MGMT: variants seen among roughly 807,000 people sequenced by gnomAD.
MGMT encodes O-6-methylguanine-DNA methyltransferase, also known as methylated-DNA--protein-cysteine methyltransferase.
Under a neutral mutation model 15.9 loss-of-function variants are expected in MGMT, and 14 were observed. The ratio of observed to expected loss-of-function variants is 0.88; its 90% CI spans 0.58 to 1.37. The LOEUF is 1.37. Among genes scored for constraint, MGMT ranks in the 40% most tolerant of loss-of-function variants. The pLI is 0.00. For missense variants in MGMT, 282 were observed against 268.1 expected (o/e 1.05, Z -0.36); for synonymous variants, 130 against 118.2 (o/e 1.10, Z -0.65).
At chr10:129,737,787 CTGCAGGTCTGT>C (rs1848581126) in intron 3 of MGMT, among the ~76,000 whole-genome samples, 1 of 152,198 alleles carries the variant, frequency 6.6e-6, no homozygotes, top group Non-Finnish European at 1.5e-5. Context: ...GGACCCTCAG[CTGCAGGTCTGT>C]TGGAGTACCC....
chr10:129,748,897 T>G (rs1352166158), intron 3 of MGMT, among the ~76,000 whole-genome samples: 1 of 152,184 alleles, frequency 6.6e-6, no homozygotes, highest in Non-Finnish European at 1.5e-5. Context: ...TAGAATAGTA[T>G]CAGAGAGTTT....
chr10:129,632,400 C>T (rs1474976897), intron 2 of MGMT, among the ~76,000 whole-genome samples: 1 of 152,156 alleles, frequency 6.6e-6, no homozygotes, highest in Non-Finnish European at 1.5e-5. Context: ...GAGTAGTGAT[C>T]CGGGTCACAA....
intron 1 of MGMT, among the ~76,000 whole-genome samples, chr10:129,495,057 G>A (rs1564834117): frequency 6.6e-6 from 1 of 152,172 alleles, no homozygotes; most frequent in Admixed American, 6.5e-5. Flanking sequence ...ATAAACTCAG[G>A]ATATTACCGA....
intron 3 of MGMT, among the ~76,000 whole-genome samples, chr10:129,708,404 C>A (rs1848193194): frequency 6.6e-6 from 1 of 152,286 alleles, no homozygotes; most frequent in East Asian, 1.9e-4. Flanking sequence ...GCACAGAAAA[C>A]GAGACTTGTG....
intron 1 of MGMT, among the ~76,000 whole-genome samples, chr10:129,473,512 T>C (rs933490675): frequency 2.0e-5 from 3 of 152,210 alleles, no homozygotes; most frequent in African/African-American, 7.2e-5. Context: ...TGCACAGGTC[T>C]CCTGGGATAG....
At chr10:129,484,404 G>A (rs537440310) in intron 1 of MGMT, among the ~76,000 whole-genome samples, 3 of 152,128 alleles carry the variant, frequency 2.0e-5, no homozygotes, top group Admixed American at 6.5e-5. Flanking sequence ...ACATCCTATC[G>A]ATTGTATTTT....
intron 2 of MGMT, among the ~76,000 whole-genome samples, chr10:129,603,021 C>T (rs943224939): frequency 6.6e-6 from 1 of 152,184 alleles, no homozygotes; most frequent in Non-Finnish European, 1.5e-5. Flanking sequence ...ATGTCACAGT[C>T]TCTCCCAAAA....
intron 2 of MGMT, among the ~76,000 whole-genome samples, chr10:129,663,124 A>T (rs1847619191): frequency 6.6e-6 from 1 of 152,204 alleles, no homozygotes; most frequent in African/African-American, 2.4e-5. Flanking sequence ...ATATTTACAA[A>T]AGCTTATCAA....
intron 1 of MGMT, among the ~76,000 whole-genome samples, chr10:129,481,160 T>C (rs1771433): frequency 1 from 151,866 of 152,362 alleles, 75,688 homozygotes; most frequent in Middle Eastern, 1. Flanking sequence ...GCTTCTGTGT[T>C]GTCTTTCACC....
chr10:129,696,247 G>A (rs1848030990), intron 2 of MGMT, among the ~76,000 whole-genome samples: 2 of 152,188 alleles, frequency 1.3e-5, no homozygotes, highest in Non-Finnish European at 2.9e-5. Flanking sequence ...CAGCATGAAG[G>A]TGGTGCTTGA....
At chr10:129,741,369 C>T (rs892582332) in intron 3 of MGMT, among the ~76,000 whole-genome samples, 1 of 152,210 alleles carries the variant, frequency 6.6e-6, no homozygotes, top group Non-Finnish European at 1.5e-5. Flanking sequence ...TGCTGTTGGC[C>T]TTGCCAGCAA....
chr10:129,719,401 G>C (rs939776273), intron 3 of MGMT, among the ~76,000 whole-genome samples: 4 of 152,350 alleles, frequency 2.6e-5, no homozygotes, highest in African/African-American at 9.6e-5. Context: ...CCTTTGTATT[G>C]ATCTGTGCAG....
intron 3 of MGMT, among the ~76,000 whole-genome samples, chr10:129,749,638 T>C (rs1232022975): frequency 6.6e-6 from 1 of 152,188 alleles, no homozygotes; most frequent in African/African-American, 2.4e-5. Context: ...AGTAAATACC[T>C]AGGTGTGCAA....
intron 2 of MGMT, among the ~76,000 whole-genome samples, chr10:129,592,355 C>T (rs975978739): frequency 6.6e-6 from 1 of 152,188 alleles, no homozygotes; most frequent in African/African-American, 2.4e-5. Context: ...GTTTAAACAA[C>T]GTTTTGCTGA....
At chr10:129,654,081 G>A (rs1847495909) in intron 2 of MGMT, among the ~76,000 whole-genome samples, 2 of 152,162 alleles carry the variant, frequency 1.3e-5, no homozygotes, top group Admixed American at 1.3e-4. Context: ...CACCCTCCAC[G>A]CCTGTCTGTC....
intron 2 of MGMT, among the ~76,000 whole-genome samples, chr10:129,544,419 C>A (rs1016164258): frequency 2.6e-5 from 4 of 152,252 alleles, no homozygotes; most frequent in Admixed American, 2.0e-4. Flanking sequence ...CAGGAAGCCC[C>A]AGCATGGCCT....
chr10:129,655,696 G>C (rs1445722084), intron 2 of MGMT, among the ~76,000 whole-genome samples: 1 of 152,200 alleles, frequency 6.6e-6, no homozygotes, highest in Non-Finnish European at 1.5e-5. Context: ...TAACAGTGAA[G>C]GCAGGAAGGG....
chr10:129,724,745 C>G (rs1848412480), intron 3 of MGMT, among the ~76,000 whole-genome samples: 1 of 152,156 alleles, frequency 6.6e-6, no homozygotes, highest in African/African-American at 2.4e-5. Flanking sequence ...ATTATATCAT[C>G]TGAGGTATAA....
At position 129,766,880 on chromosome 10, in the gene MGMT, G is replaced by A; in HGVS notation, c.507G>A (p.Leu169=). 1 of 1,613,580 alleles carries A rather than the reference G, an allele frequency of 6.2e-7. No individual in the cohort carries two copies. The highest frequency in any genetic ancestry group is 8.5e-7 in the Non-Finnish European group (1 of 1,180,026). ...GACTGGCCGTGAAGGAATGGCTTCT[G>A]GCCCATGAAGGCCACCGGTTGGGGA... ...SGGLAVKEWL[L]AHEGHRLGKP... Residue 169 remains leucine (L), a synonymous_variant, in exon 5 of 5, where the codon CTG becomes CTA. Coordinates refer to ENST00000651593, the MANE Select transcript of MGMT (RefSeq NM_002412.5).
Sources: allele counts gnomAD v4.1 joint callset (sites outside exome capture counted in the v4.1 genomes callset), GRCh38; gene constraint gnomAD v4.1.1; transcripts MANE v1.5; gene names NCBI Gene and HGNC (gene_info 2026-07-23, HGNC 2026-07-21).